Variants in GRIN2B observed in about 807,000 individuals in gnomAD.
GRIN2B encodes glutamate receptor ionotropic, NMDA 2B.
In GRIN2B, 5 loss-of-function variants were observed where a neutral mutation model predicts 114.5. The observed-to-expected ratio is 0.04, with a 90% CI of 0.02 to 0.09. GRIN2B has a LOEUF of 0.09. GRIN2B is among the 10% of genes least tolerant of loss of function. GRIN2B has a pLI of 1.00. For missense variants in GRIN2B, 1,108 were observed against 1,943.5 expected, an observed-to-expected ratio of 0.57 and a Z score of 8.08; for synonymous variants, 787 against 745.1, an observed-to-expected ratio of 1.06 and a Z score of -0.92.
At chr12:13,624,139 C>G (rs1035390173) in intron 5 of GRIN2B, among the ~76,000 whole-genome samples, 2 of 152,202 alleles carry the variant, frequency 1.3e-5, no homozygotes, top group African/African-American at 2.4e-5. Context: ...CTCCCTTTGG[C>G]TATCATATTA....
chr12:13,979,861 G>T (rs1417948448), intron 2 of GRIN2B, 67 bp downstream of exon 2: 1 of 152,036 alleles, frequency 6.6e-6, no homozygotes, highest in Admixed American at 6.6e-5. Flanking sequence ...TGAGGGACTC[G>T]AAGAGATAGA....
chr12:13,793,559 A>G (rs766331393), intron 3 of GRIN2B, among the ~76,000 whole-genome samples: 13 of 152,238 alleles, frequency 8.5e-5, no homozygotes, highest in Non-Finnish European at 1.9e-4. Flanking sequence ...CCTAATGGCC[A>G]TGCCAATTGT....
intron 2 of GRIN2B, among the ~76,000 whole-genome samples, chr12:13,932,987 G>A (rs928057422): frequency 1.1e-5 from 1 of 92,042 alleles, no homozygotes; most frequent in South Asian, 3.6e-4. Context: ...GTGTGTGTGT[G>A]CGTGTGCGTG....
Position 13,917,631 on chromosome 12 carries a change from C to T in GRIN2B, c.-18-51405G>A, listed in dbSNP as rs569368390. ...TTGGATTCTTAAGATTGATCTTCTA[C>T]GCCATGCTTAAGGAGACCAAGTTTT... is the stretch of plus-strand genomic sequence containing the variant. On this transcript the variant is annotated intron_variant, in intron 2 of 13. Coordinates refer to ENST00000609686, the MANE Select transcript of GRIN2B (RefSeq NM_000834.5). Among the ~76,000 whole-genome samples the T allele has an allele frequency of 1.8e-3, 271 of 151,108 alleles. 3 individuals carry two copies. Among genetic ancestry groups the T allele is most frequent in the Non-Finnish European group, 2.2e-3 (150 of 67,804 alleles).
chr12:13,784,017 A>G (rs897864817), intron 3 of GRIN2B, among the ~76,000 whole-genome samples: 5 of 151,942 alleles, frequency 3.3e-5, no homozygotes, highest in African/African-American at 1.2e-4. Flanking sequence ...AGTTCAGGAG[A>G]TCGAGACCAT....
intron 8 of GRIN2B, among the ~76,000 whole-genome samples, chr12:13,614,581 T>G (rs1048297381): frequency 2.0e-5 from 3 of 151,660 alleles, no homozygotes; most frequent in Non-Finnish European, 2.9e-5. Flanking sequence ...TGCAGTGGGG[T>G]GGGAGGAAGA....
chr12:13,632,414 T>C (rs1337927738), intron 5 of GRIN2B, among the ~76,000 whole-genome samples: 2 of 152,256 alleles, frequency 1.3e-5, no homozygotes, highest in Non-Finnish European at 2.9e-5. Context: ...CAGCCAATAT[T>C]AAGTGTAATG....
intron 4 of GRIN2B, among the ~76,000 whole-genome samples, chr12:13,741,124 G>A (rs539026953): frequency 3.9e-5 from 6 of 152,190 alleles, no homozygotes; most frequent in South Asian, 2.1e-4. Flanking sequence ...TCCACCTCCC[G>A]GGTTCAAGCA....
At position 13,563,915 on chromosome 12, in the gene GRIN2B, G is replaced by A; in HGVS notation, c.3323C>T (p.Ala1108Val). ...SRREFDEIEL[A>V]YRRRPPRSPD... ...GGAGCGGGGCGGTCGGCGACGGTAG[G>A]CCAGCTCGATCTCGTCAAACTCCCT... The change falls in exon 14 of 14, where the codon GCC becomes GTC. Residue 1108 changes from alanine to valine, a missense_variant. Ala to Val is a moderately conservative substitution (Grantham distance 64). Around this residue, in one of 19 missense-constraint regions of GRIN2B, gnomAD observed 18 missense variants for 23.6 expected, o/e 0.76. Coordinates refer to ENST00000609686, the MANE Select transcript of GRIN2B (RefSeq NM_000834.5). 3 of 1,614,144 alleles carry A rather than the reference G, an allele frequency of 1.9e-6. No individual in the cohort carries two copies. Among genetic ancestry groups the A allele is most frequent in the Non-Finnish European group, 2.5e-6 (3 of 1,180,014 alleles).
chr12:13,648,658 G>A (rs1209737910), intron 5 of GRIN2B, among the ~76,000 whole-genome samples: 1 of 151,920 alleles, frequency 6.6e-6, no homozygotes. Flanking sequence ...AGGACCATGA[G>A]TTCAATGAAC....
chr12:13,762,875 G>GT (rs148959567), intron 3 of GRIN2B, among the ~76,000 whole-genome samples: 4,384 of 149,526 alleles, frequency 0.029, 212 homozygotes, highest in African/African-American at 0.1. Flanking sequence ...TTCTGAGAAA[G>GT]TTTTTTTTTT....
chr12:13,581,962 G>A (rs1948859264), intron 10 of GRIN2B, among the ~76,000 whole-genome samples: 5 of 151,832 alleles, frequency 3.3e-5, no homozygotes, highest in Non-Finnish European at 7.4e-5. Context: ...AAACACATGG[G>A]TTATGGGCTC....
chr12:13,550,630 A>G lies in GRIN2B; in HGVS notation c.*12153T>C, dbSNP rs1310585574. On this transcript the variant is annotated 3_prime_UTR_variant, in exon 14 of 14. Coordinates refer to ENST00000609686, the MANE Select transcript of GRIN2B (RefSeq NM_000834.5). ...GGTCAAATAGGACAGTTAGCAGGAT[A>G]ACTATGTTGCTCTACCACAAAGAAA... 19 of 152,198 alleles carry G rather than the reference A, an allele frequency of 1.2e-4. No homozygotes were observed. The highest frequency in any genetic ancestry group is 1.2e-3 in the Admixed American group (19 of 15,284). The allele number at this position is 152,198 out of a possible 1,614,324, so 9.4% of individuals were successfully genotyped here.
In GRIN2B at chr12:13,554,642, G is replaced by A. The variant is rs1419509777; in HGVS notation, c.*8141C>T. On this transcript the variant is annotated 3_prime_UTR_variant, in exon 14 of 14. Transcript: ENST00000609686. ...CTGAAGAATGACATCTGATTTATAT[G>A]TAGGAAGTGAGTACTGACAAGAGTA... The A allele has an allele frequency of 6.6e-6, 1 of 152,142 alleles. No individual in the cohort carries two copies. Among genetic ancestry groups the A allele is most frequent in the Non-Finnish European group, 1.5e-5 (1 of 68,010 alleles). The allele number at this position is 152,142 out of a possible 1,614,324, so 9.4% of individuals were successfully genotyped here.
intron 10 of GRIN2B, among the ~76,000 whole-genome samples, chr12:13,587,186 T>C (rs1372107343): frequency 1.3e-5 from 2 of 152,118 alleles, no homozygotes; most frequent in Non-Finnish European, 2.9e-5. Flanking sequence ...TAGATCCTCT[T>C]CCAAATTTTA....
In GRIN2B at chr12:13,753,694, A is replaced by G. The variant is rs1434580665; in HGVS notation, c.633T>C (p.Asp211=). Residue 211 remains aspartate, a synonymous_variant, in exon 4 of 14, where the codon GAT becomes GAC. Transcript: ENST00000609686. This position sits in a 1 kb window ranked among gnomAD's most constrained non-coding sequence, Gnocchi z 6.2. The part of the protein sequence containing the change: ...EVLLLDMSLD[D]GDSKIQNQLK... ...GCTGATTCTGGATCTTAGAATCTCC[A>G]TCGTCCAGGGACATGTCCAGTAGGA... 2 of 1,614,114 alleles carry G rather than the reference A, an allele frequency of 1.2e-6. No homozygotes were observed. Among genetic ancestry groups the G allele is most frequent in the Non-Finnish European group, 8.5e-7 (1 of 1,179,948 alleles).
At chr12:13,932,638 G>A (rs1167075158) in intron 2 of GRIN2B, among the ~76,000 whole-genome samples, 2 of 152,174 alleles carry the variant, frequency 1.3e-5, no homozygotes, top group Non-Finnish European at 1.5e-5. Context: ...AACACAGAGA[G>A]GCCTTTCTAT....
intron 3 of GRIN2B, among the ~76,000 whole-genome samples, chr12:13,809,371 C>T (rs995839500): frequency 1.3e-5 from 2 of 152,192 alleles, no homozygotes; most frequent in African/African-American, 4.8e-5. Context: ...GTGGACATAA[C>T]TAAGACAGTT....
intron 3 of GRIN2B, among the ~76,000 whole-genome samples, chr12:13,859,385 T>G (rs1292802969): frequency 6.6e-6 from 1 of 152,198 alleles, no homozygotes; most frequent in Non-Finnish European, 1.5e-5. Flanking sequence ...TTAACACTGC[T>G]CCTAAAGAAA....
Sources: gnomAD v4.1 joint callset for allele counts (sites outside exome capture counted in the v4.1 genomes callset) on GRCh38, gnomAD v4.1.1 for gene constraint, gnomAD v4.1.1 regional missense constraint, Gnocchi (gnomAD v3.1) non-coding constraint, MANE v1.5 for transcripts, NCBI Gene and HGNC (gene_info 2026-07-23, HGNC 2026-07-21) for gene names.